Variants in MACC1 observed in about 807,000 individuals in gnomAD.
MACC1 encodes the protein MET transcriptional regulator MACC1, also known as metastasis-associated in colon cancer protein 1.
In MACC1, 79 loss-of-function variants were observed where a neutral mutation model predicts 70.7. The ratio of observed to expected loss-of-function variants is 1.12; its 90% CI spans 0.93 to 1.35. The LOEUF is 1.35. MACC1 is among the 40% of genes most tolerant of loss of function. The pLI is 0.00. For synonymous variants in MACC1, 361 were observed against 347.2 expected (o/e 1.04, Z -0.44); for missense variants, 1,106 against 978.1 (o/e 1.13, Z -1.74).
In MACC1 at chr7:20,138,130, G is replaced by A. The variant is rs944902644; in HGVS notation, c.*2816C>T. ...ATTGAAACACCGCACTCCAGTCTGG[G>A]CAACAGAGCCAGACTCTGGCTCAAA... On this transcript the variant is annotated 3_prime_UTR_variant, in exon 7 of 7. Coordinates refer to ENST00000400331, the MANE Select transcript of MACC1 (RefSeq NM_182762.4). 8 of 124,060 alleles carry A rather than the reference G, an allele frequency of 6.4e-5. No individual in the cohort carries two copies. The highest frequency in any genetic ancestry group is 2.5e-4 in the African/African-American group (8 of 31,934). The allele number at this position is 124,060 out of a possible 1,614,324, so 7.7% of individuals were successfully genotyped here.
At position 20,159,277 on chromosome 7, in the gene MACC1, T is replaced by A. The variant is rs1285974292; in HGVS notation, c.1084A>T (p.Ile362Phe). Reference sequence around the variant, plus strand: ...GTGGTTTTGTGGATATAATCCCAAATGGTGGCAGCTGGTGACGGAAGAGCT... The same window carrying A: ...GTGGTTTTGTGGATATAATCCCAAAAGGTGGCAGCTGGTGACGGAAGAGCT... Reference protein sequence around the residue: ...AKALPSPAATIWDYIHKTTSI... With the variant: ...AKALPSPAATFWDYIHKTTSI... Residue 362 changes from isoleucine to phenylalanine, a missense_variant, in exon 5 of 7, where the codon ATT becomes TTT. Physicochemically the swap from Ile to Phe is conservative, Grantham distance 21 (BLOSUM62 0). Transcript: ENST00000400331. 1 of 1,614,052 alleles carries A rather than the reference T, an allele frequency of 6.2e-7. No homozygotes were observed. Among genetic ancestry groups the A allele is most frequent in the South Asian group, 1.1e-5 (1 of 91,078 alleles).
intron 1 of MACC1, among the ~76,000 whole-genome samples, chr7:20,199,136 A>T (rs1782798205): frequency 6.6e-6 from 1 of 152,248 alleles, no homozygotes; most frequent in Non-Finnish European, 1.5e-5. Flanking sequence ...ATTAATCCTC[A>T]GGACTATCTC....
chr7:20,208,144 A>G (rs1478501658), intron 1 of MACC1, among the ~76,000 whole-genome samples: 1 of 152,134 alleles, frequency 6.6e-6, no homozygotes, highest in East Asian at 1.9e-4. Flanking sequence ...AGTCAATTAA[A>G]CCTCTTTCTT....
intron 1 of MACC1, among the ~76,000 whole-genome samples, chr7:20,215,600 A>G (rs1267716351): frequency 1.3e-5 from 2 of 152,220 alleles, no homozygotes; most frequent in Non-Finnish European, 2.9e-5. Flanking sequence ...CTGCACAGTC[A>G]TCTGAAATGC....
At chr7:20,190,259 AT>A (rs1410086890) in intron 1 of MACC1, among the ~76,000 whole-genome samples, 17 of 152,328 alleles carry the variant, frequency 1.1e-4, no homozygotes, top group African/African-American at 3.6e-4. Flanking sequence ...ATAGTCACTA[AT>A]GCCGTTTCTA....
intron 1 of MACC1, among the ~76,000 whole-genome samples, chr7:20,192,320 T>C (rs1679415799): frequency 6.6e-6 from 1 of 152,214 alleles, no homozygotes; most frequent in Non-Finnish European, 1.5e-5. Context: ...TTTGCTATTC[T>C]CATTGAAATT....
chr7:20,165,487 A>G (rs1013082103), intron 2 of MACC1, among the ~76,000 whole-genome samples: 21 of 151,418 alleles, frequency 1.4e-4, no homozygotes, highest in African/African-American at 4.9e-4. Context: ...TCACAGTACC[A>G]TCCTAAATCT....
At chr7:20,210,002 G>A (rs1782972965) in intron 1 of MACC1, among the ~76,000 whole-genome samples, 1 of 152,162 alleles carries the variant, frequency 6.6e-6, no homozygotes, top group South Asian at 2.1e-4. Flanking sequence ...ATAATTGTAA[G>A]TTTCCTCAGG....
chr7:20,200,627 C>A (rs1782820347), intron 1 of MACC1, among the ~76,000 whole-genome samples: 1 of 152,208 alleles, frequency 6.6e-6, no homozygotes, highest in Non-Finnish European at 1.5e-5. Context: ...TGAAGTAATG[C>A]ACTCAACCAT....
chr7:20,174,728 G>A (rs1340724308), intron 1 of MACC1, among the ~76,000 whole-genome samples: 1 of 152,102 alleles, frequency 6.6e-6, no homozygotes, highest in Non-Finnish European at 1.5e-5. Flanking sequence ...CATGTACTGT[G>A]TGGGTATCTC....
chr7:20,147,109 A>G (rs1377580044), intron 6 of MACC1, among the ~76,000 whole-genome samples: 1 of 152,230 alleles, frequency 6.6e-6, no homozygotes, highest in Non-Finnish European at 1.5e-5. Flanking sequence ...GACAAAATAA[A>G]AAGTAATGGA....
chr7:20,158,992 G>A lies in MACC1; in HGVS notation c.1369C>T (p.Gln457Ter), dbSNP rs1182676257. Residue 457 changes from glutamine to a stop codon, truncating the protein, a stop_gained, in exon 5 of 7, where the codon CAA becomes TAA. Transcript: ENST00000400331. LOFTEE classifies it high-confidence loss of function. ...KTEGERKEIK[Q>*]KQLEAGEVVH... ...ACTTCACCTGCTTCCAACTGCTTTT[G>A]TTTAATTTCTTTCCTTTCTCCTTCT... is the stretch of plus-strand genomic sequence containing the variant. 1 of 1,613,960 alleles carries A rather than the reference G, an allele frequency of 6.2e-7. No individual in the cohort carries two copies. Among genetic ancestry groups the A allele is most frequent in the Admixed American group, 1.7e-5 (1 of 59,964 alleles).
intron 1 of MACC1, among the ~76,000 whole-genome samples, chr7:20,183,706 C>G (rs73084504): frequency 0.16 from 21,075 of 135,278 alleles, 2,366 homozygotes; most frequent in East Asian, 0.63. Flanking sequence ...ATACCTGATT[C>G]TAACTTTTTT....
chr7:20,214,150 A>C (rs1303651595), intron 1 of MACC1, among the ~76,000 whole-genome samples: 19 of 152,070 alleles, frequency 1.2e-4, no homozygotes, highest in Non-Finnish European at 2.9e-5. Flanking sequence ...GAACCCGCTA[A>C]AGTATGGATT....
chr7:20,153,881 G>A lies in MACC1; in HGVS notation c.2346+312C>T, dbSNP rs150883801. On this transcript the variant is annotated intron_variant, in intron 6 of 6. Coordinates refer to ENST00000400331, the MANE Select transcript of MACC1 (RefSeq NM_182762.4). ...TGTCTCCCACCTTCAAAATTTACCT[G>A]TTTTATGACTCAAGTTCTTATAGCC... is the stretch of plus-strand genomic sequence containing the variant. Among the ~76,000 whole-genome samples the A allele has an allele frequency of 2.3e-4, 35 of 152,180 alleles. 1 individual carries two copies. The highest frequency in any genetic ancestry group is 8.0e-4 in the African/African-American group (33 of 41,508).
At chr7:20,203,235 C>A (rs1056853926) in intron 1 of MACC1, among the ~76,000 whole-genome samples, 4 of 152,152 alleles carry the variant, frequency 2.6e-5, no homozygotes, top group African/African-American at 9.7e-5. Context: ...CTCCCCTCCC[C>A]ACACCACATG....
intron 1 of MACC1, among the ~76,000 whole-genome samples, chr7:20,192,743 G>A (rs1782691832): frequency 1.3e-5 from 2 of 152,154 alleles, no homozygotes; most frequent in African/African-American, 4.8e-5. Context: ...ACAAAGAAAT[G>A]CACACTGAAG....
chr7:20,141,931 A>G (rs371811215), intron 6 of MACC1: 2 of 145,828 alleles, frequency 1.4e-5, no homozygotes, highest in African/African-American at 4.9e-5. Context: ...TGTAGAATAC[A>G]CACACACACG....
rs1782083564 is a variant in MACC1, at chr7:20,158,268, T to C, written c.2093A>G (p.Lys698Arg). ...KESEKVSYVI[K>R]KLKEDCHTER... Reference sequence around the variant, plus strand: ...TGTGTGGCAATCTTCCTTTAACTTCTTTATAACATAAGAAACTTTCTCTGA... The same window carrying C: ...TGTGTGGCAATCTTCCTTTAACTTCCTTATAACATAAGAAACTTTCTCTGA... The change falls in exon 5 of 7, where the codon AAG (lysine) becomes AGG (arginine). Residue 698 changes from lysine to arginine, a missense_variant. Transcript: ENST00000400331. The C allele has an allele frequency of 1.9e-6, 3 of 1,609,980 alleles. No homozygotes were observed. The highest frequency in any genetic ancestry group is 4.5e-5 in the East Asian group (2 of 44,846).
Sources: gnomAD v4.1 joint callset for allele counts (sites outside exome capture counted in the v4.1 genomes callset) on GRCh38, gnomAD v4.1.1 for gene constraint, MANE v1.5 for transcripts, NCBI Gene and HGNC (gene_info 2026-07-23, HGNC 2026-07-21) for gene names.